HMCN1: variants seen among roughly 807,000 people sequenced by gnomAD.
The protein encoded by HMCN1 is hemicentin 1.
HMCN1 carries 321 observed loss-of-function variants against 625.9 expected under a neutral mutation model. The ratio of observed to expected loss-of-function variants is 0.51; its 90% confidence interval spans 0.47 to 0.56. HMCN1 has a LOEUF of 0.56. HMCN1 is among the 20% of genes least tolerant of loss of function. The pLI is 0.00. For missense variants in HMCN1, 6,588 were observed against 6,887.3 expected, an observed-to-expected ratio of 0.96 and a Z score of 1.54; for synonymous variants, 2,425 against 2,417.6, an observed-to-expected ratio of 1.00 and a Z score of -0.09.
rs781462752 is a variant in HMCN1, at chr1:186,123,214, G to A, written c.12493G>A (p.Val4165Ile). ...GSSSTSTKLT[V>I]HVPPRIRSTE... ...AAGCAGCACAAGCACCAAGCTCACC[G>A]TCCATGGTAGGTTGTTTAACATGAA... Residue 4165 changes from valine to isoleucine, a missense_variant, in exon 81 of 107, where the codon GTC becomes ATC. Around this residue, in one of 3 missense-constraint regions of HMCN1, gnomAD observed 1,954 missense variants for 2,013.1 expected, o/e 0.97. Transcript: ENST00000271588. 36 of 1,613,260 alleles carry A rather than the reference G, an allele frequency of 2.2e-5. No individual in the cohort carries two copies. Among genetic ancestry groups the A allele is most frequent in the Admixed American group, 5.0e-5 (3 of 59,902 alleles).
At chr1:186,089,476 A>G (rs1349875475) in intron 63 of HMCN1, among the ~76,000 whole-genome samples, 1 of 152,040 alleles carries the variant, frequency 6.6e-6, no homozygotes, top group African/African-American at 2.4e-5. Context: ...AACTCCAAAA[A>G]AATACAATTA....
chr1:185,754,655 G>T (rs139158520), intron 1 of HMCN1, among the ~76,000 whole-genome samples: 2 of 152,060 alleles, frequency 1.3e-5, no homozygotes, highest in African/African-American at 4.8e-5. Context: ...TTTGAGACCA[G>T]CCTGGGCAAC....
intron 1 of HMCN1, among the ~76,000 whole-genome samples, chr1:185,810,200 C>T (rs1659427286): frequency 6.6e-6 from 1 of 152,096 alleles, no homozygotes; most frequent in South Asian, 2.1e-4. Flanking sequence ...AATCTAGTCT[C>T]TTTCATCTGT....
At position 185,872,598 on chromosome 1, in the gene HMCN1, A is replaced by G. The variant is rs539419186; in HGVS notation, c.621+6735A>G. Among the ~76,000 whole-genome samples, 10 of 152,218 alleles carry G rather than the reference A, an allele frequency of 6.6e-5. No homozygotes were observed. In the East Asian group the frequency reaches 1.9e-3, roughly 29 times the overall value. ...TGCTCTCAACAGAATATCATTTAGA[A>G]AAAATATACCAAAAGTCAAGCAGAG... On this transcript the variant is annotated intron_variant, in intron 4 of 106. Transcript: ENST00000271588.
intron 57 of HMCN1, among the ~76,000 whole-genome samples, chr1:186,084,702 G>C (rs924672301): frequency 6.6e-6 from 1 of 151,896 alleles, no homozygotes; most frequent in Admixed American, 6.6e-5. Flanking sequence ...CTCTTGCTCA[G>C]TAAAAGCTGA....
rs529416996 is a variant in HMCN1 at position 185,765,511 on chromosome 1, A to G, written c.268+30464A>G. ...TGAAGCATTTCACATCTTTTATTTC[A>G]TTTAATATTCTCAGCAAAACTCTTG... On this transcript the variant is annotated intron_variant, in intron 1 of 106. Transcript: ENST00000271588. Among the ~76,000 whole-genome samples the G allele has an allele frequency of 2.0e-5, 3 of 152,276 alleles. No individual in the cohort carries two copies. The South Asian group carries it at 6.2e-4, about 32-fold the overall frequency.
Position 185,909,471 on chromosome 1 carries a change from T to C in HMCN1, c.756T>C (p.Ser252=), listed in dbSNP as rs1425645418. ...TGAAAGAGGTCACTGTGTCTTTGAG[T>C]GGGCCTTCTCCAATGATTGAAATTC... ...PSLKEVTVSL[S]GPSPMIEIRN... is the part of the protein sequence containing the mutation. Residue 252 remains serine, a synonymous_variant, in exon 5 of 107, where the codon AGT becomes AGC. Transcript: ENST00000271588. 8 of 1,613,438 alleles carry C rather than the reference T, an allele frequency of 5.0e-6. No individual in the cohort carries two copies. Among genetic ancestry groups the C allele is most frequent in the African/African-American group, 1.3e-5 (1 of 74,880 alleles).
At chr1:185,970,813 C>T (rs1238944235) in intron 15 of HMCN1, among the ~76,000 whole-genome samples, 1 of 152,046 alleles carries the variant, frequency 6.6e-6, no homozygotes, top group African/African-American at 2.4e-5. Context: ...CGCCTGCCAC[C>T]ATGCCCAGCT....
At chr1:185,853,698 G>A (rs555651476) in intron 2 of HMCN1, among the ~76,000 whole-genome samples, 1 of 152,218 alleles carries the variant, frequency 6.6e-6, no homozygotes, top group African/African-American at 2.4e-5. Context: ...AAGCAAATAC[G>A]TTGTTGATAT....
chr1:185,941,288 G>T (rs1367672784), intron 11 of HMCN1, among the ~76,000 whole-genome samples: 3 of 152,150 alleles, frequency 2.0e-5, no homozygotes. Flanking sequence ...TCCACTTGTT[G>T]GGAAGTTTAT....
At chr1:186,060,141 A>T (rs1452967761) in intron 46 of HMCN1, among the ~76,000 whole-genome samples, 3 of 152,070 alleles carry the variant, frequency 2.0e-5, no homozygotes, top group Non-Finnish European at 1.5e-5. Context: ...TCTAAATAAG[A>T]TACTACTAAG....
At chr1:186,048,298 G>A (rs976903026) in intron 41 of HMCN1, among the ~76,000 whole-genome samples, 1 of 152,124 alleles carries the variant, frequency 6.6e-6, no homozygotes, top group African/African-American at 2.4e-5. Context: ...TGAGGCTAAT[G>A]TAATATAATA....
rs748270967 is a variant in HMCN1 at position 186,060,801 on chromosome 1, C to A, written c.7313-1050C>A. ...AAGTAATGGTAATATATTGATGTCA[C>A]CCAAATCTGGGTGTCTGGGCTGGTT... On this transcript the variant is annotated intron_variant, in intron 46 of 106. Transcript: ENST00000271588. 9.2e-4 allele frequency among the ~76,000 whole-genome samples: 140 copies of A among 152,130 alleles called. 1 individual carries two copies. The highest frequency in any genetic ancestry group is 1.6e-3 in the Non-Finnish European group (106 of 67,990).
chr1:185,751,848 A>AT (rs1304410873), intron 1 of HMCN1, among the ~76,000 whole-genome samples: 2 of 151,200 alleles, frequency 1.3e-5, no homozygotes, highest in Admixed American at 6.6e-5. Flanking sequence ...AAATCTGCTT[A>AT]TTTTTTGTTT....
intron 1 of HMCN1, among the ~76,000 whole-genome samples, chr1:185,756,492 A>AT (rs397975230): frequency 6.6e-6 from 1 of 151,220 alleles, no homozygotes; most frequent in Non-Finnish European, 1.5e-5. Flanking sequence ...AAAAAAAAAA[A>AT]GAAAAAGAAA....
At chr1:186,159,936 A>G (rs1485750456) in intron 97 of HMCN1, among the ~76,000 whole-genome samples, 2 of 152,100 alleles carry the variant, frequency 1.3e-5, no homozygotes, top group Non-Finnish European at 2.9e-5. Context: ...CTGGCCTCAT[A>G]AAATGAGTTA....
Position 186,087,177 on chromosome 1 carries a change from C to G in HMCN1, c.9047-40C>G, listed in dbSNP as rs750854429. The G allele has an allele frequency of 2.9e-5, 36 of 1,247,670 alleles. No homozygotes were observed. In the Admixed American group the frequency reaches 6.1e-4, roughly 21 times the overall value. 77.3% of individuals were successfully genotyped at this position (1,247,670 alleles called of 1,614,324 possible). A position where few individuals can be genotyped will look rare whatever the true frequency, so the allele number is the denominator to read the frequency against. On this transcript the variant is annotated intron_variant, in intron 58 of 106. Coordinates refer to ENST00000271588, the MANE Select transcript of HMCN1 (RefSeq NM_031935.3). ...TTGGTAAAATAGTTGTTAGAACAAC[C>G]TGTATACCACTCTACAATTTGCATT...
chr1:186,038,015 C>A lies in HMCN1; in HGVS notation c.5831C>A (p.Ala1944Glu), dbSNP rs766210872. 2 of 1,609,306 alleles carry A rather than the reference C, an allele frequency of 1.2e-6. No individual in the cohort carries two copies. Among genetic ancestry groups the A allele is most frequent in the South Asian group, 1.1e-5 (1 of 90,970 alleles). ...VSNPVQLECK[A>E]AGNPVPVITW... is the part of the protein sequence containing the mutation. ...AACCCTGTACAGCTGGAGTGTAAGG[C>A]AGCTGGAAATCCTGTGCCTGGTACA... Residue 1944 changes from alanine to glutamate, a missense_variant, in exon 37 of 107, where the codon GCA becomes GAA. Ala to Glu is a moderately radical substitution (Grantham distance 107). Around this residue, in one of 3 missense-constraint regions of HMCN1, gnomAD observed 4,628 missense variants for 4,853.1 expected, o/e 0.95. Transcript: ENST00000271588.
At chr1:185,879,641 A>G (rs920262549) in intron 4 of HMCN1, among the ~76,000 whole-genome samples, 10 of 152,212 alleles carry the variant, frequency 6.6e-5, no homozygotes, top group African/African-American at 2.4e-4. Context: ...AGATTAGGGC[A>G]GGTTCTTATG....
Sources: allele counts gnomAD v4.1 joint callset (sites outside exome capture counted in the v4.1 genomes callset), GRCh38; gene constraint gnomAD v4.1.1; regional missense constraint gnomAD v4.1.1; transcripts MANE v1.5; gene names NCBI Gene and HGNC (gene_info 2026-07-23, HGNC 2026-07-21).